MYO10: variants seen among roughly 807,000 people sequenced by gnomAD.
MYO10 encodes unconventional myosin-X.
MYO10 carries 133 observed loss-of-function variants against 257.3 expected under a neutral mutation model. That is an observed-to-expected ratio of 0.52 (90% CI 0.45 to 0.60). The LOEUF (loss-of-function observed/expected upper bound fraction) is 0.60, where lower values mean the gene tolerates loss of function less well. Ranked by LOEUF, MYO10 falls within the 20% of genes least tolerant of loss-of-function variation. The pLI, the probability that MYO10 is intolerant of heterozygous loss-of-function variation, is 0.00. For synonymous variants in MYO10, 1,104 were observed against 1,028.6 expected, an observed-to-expected ratio of 1.07 and a Z score of -1.40; for missense variants, 2,399 against 2,635.7, an observed-to-expected ratio of 0.91 and a Z score of 1.97.
intron 1 of MYO10, among the ~76,000 whole-genome samples, chr5:16,888,834 C>T (rs951240153): frequency 1.3e-5 from 2 of 150,162 alleles, no homozygotes; most frequent in Non-Finnish European, 2.9e-5. Context: ...AATGCCCTTC[C>T]TATCTGTTCT....
chr5:16,872,043 T>C (rs253312), intron 2 of MYO10, among the ~76,000 whole-genome samples: 8,653 of 152,156 alleles, frequency 0.057, 695 homozygotes, highest in African/African-American at 0.18. Flanking sequence ...TAAATACTGT[T>C]GAAAATGATC....
At chr5:16,753,855 T>C (rs923539065) in intron 19 of MYO10, among the ~76,000 whole-genome samples, 1 of 152,172 alleles carries the variant, frequency 6.6e-6, no homozygotes, top group Non-Finnish European at 1.5e-5. Flanking sequence ...GTTGGCATTA[T>C]AAAAGATAAG....
intron 14 of MYO10, among the ~76,000 whole-genome samples, chr5:16,762,941 G>A (rs1740761339): frequency 2.0e-5 from 3 of 150,398 alleles, no homozygotes; most frequent in African/African-American, 7.4e-5. Context: ...TCCAGCCTGG[G>A]CGACAGAGTG....
chr5:16,920,780 G>C (rs34738746), intron 1 of MYO10, among the ~76,000 whole-genome samples: 7,989 of 152,292 alleles, frequency 0.052, 215 homozygotes, highest in Non-Finnish European at 0.063. Context: ...GGGCCTCTCT[G>C]TACTATTTGG....
intron 19 of MYO10, among the ~76,000 whole-genome samples, chr5:16,712,156 G>T (rs542866626): frequency 9.9e-5 from 15 of 152,030 alleles, no homozygotes; most frequent in African/African-American, 3.6e-4. Context: ...CACGCTAGCC[G>T]GTTTGGAAGA....
chr5:16,807,896 G>A (rs926114062), intron 3 of MYO10, among the ~76,000 whole-genome samples: 1 of 151,888 alleles, frequency 6.6e-6, no homozygotes, highest in Non-Finnish European at 1.5e-5. Flanking sequence ...ATTGTTCATC[G>A]TTTGCCTGTG....
intron 19 of MYO10, among the ~76,000 whole-genome samples, chr5:16,729,243 T>C (rs1291606819): frequency 6.6e-6 from 1 of 152,214 alleles, no homozygotes; most frequent in Admixed American, 6.5e-5. Flanking sequence ...TCTCTTCCTA[T>C]AGTTTAACAT....
intron 2 of MYO10, among the ~76,000 whole-genome samples, chr5:16,841,867 C>T (rs1743491733): frequency 6.6e-6 from 1 of 152,088 alleles, no homozygotes. Flanking sequence ...GGCTCGAGGG[C>T]TTGGAGTTTT....
intron 2 of MYO10, among the ~76,000 whole-genome samples, chr5:16,826,503 G>C (rs1294074673): frequency 6.6e-6 from 1 of 152,194 alleles, no homozygotes; most frequent in East Asian, 1.9e-4. Flanking sequence ...GAAAAAGCAA[G>C]AGTCTCAGGG....
At chr5:16,763,047 T>C (rs1311100905) in intron 14 of MYO10, among the ~76,000 whole-genome samples, 1 of 150,130 alleles carries the variant, frequency 6.7e-6, no homozygotes, top group Non-Finnish European at 1.5e-5. Context: ...AACAAATGAG[T>C]GGTTAAAAGA....
At chr5:16,758,366 A>C in intron 17 of MYO10, 140 bp from the exon 18 acceptor site, 1 of 635,802 alleles carries the variant, frequency 1.6e-6, no homozygotes, top group Middle Eastern at 2.8e-4. Context: ...GACAGCTTCC[A>C]AAGATTTCAA....
chr5:16,774,453 A>T (rs2126662467), intron 9 of MYO10, among the ~76,000 whole-genome samples: 1 of 152,064 alleles, frequency 6.6e-6, no homozygotes, highest in East Asian at 1.9e-4. Flanking sequence ...ACGGAGTCTC[A>T]CTCTGTTGCC....
chr5:16,849,463 A>G (rs1341801213), intron 2 of MYO10, among the ~76,000 whole-genome samples: 1 of 152,212 alleles, frequency 6.6e-6, no homozygotes, highest in African/African-American at 2.4e-5. Flanking sequence ...ATAGAAGGGA[A>G]TTAAGTGGAT....
chr5:16,820,517 C>A (rs1297539648), intron 2 of MYO10, among the ~76,000 whole-genome samples: 1 of 152,140 alleles, frequency 6.6e-6, no homozygotes, highest in African/African-American at 2.4e-5. Flanking sequence ...AAGGCTCCTG[C>A]CAGCGCAACT....
At chr5:16,817,330 G>A (rs1022235663) in intron 3 of MYO10, among the ~76,000 whole-genome samples, 1 of 152,132 alleles carries the variant, frequency 6.6e-6, no homozygotes, top group Non-Finnish European at 1.5e-5. Context: ...GATGGAAAAG[G>A]GGAGAAAATC....
chr5:16,896,323 C>T (rs1231211517), intron 1 of MYO10, among the ~76,000 whole-genome samples: 1 of 151,856 alleles, frequency 6.6e-6, no homozygotes, highest in Non-Finnish European at 1.5e-5. Flanking sequence ...TGGCCAGGCA[C>T]GGTGGCTCAT....
chr5:16,704,530 AC>A, intron 22 of MYO10, 48 bp downstream of exon 22: 2 of 1,488,280 alleles, frequency 1.3e-6, no homozygotes, highest in Non-Finnish European at 9.3e-7. Context: ...GGAAGGAAGG[AC>A]CCCCTCATGG....
rs1314159394 is a variant in MYO10, at chr5:16,909,039, C to T, written c.21+26749G>A. Among the ~76,000 whole-genome samples, 3 of 152,120 alleles carry T rather than the reference C, an allele frequency of 2.0e-5. No individual in the cohort carries two copies. In the East Asian group the frequency reaches 5.8e-4, roughly 29 times the overall value. On this transcript the variant is annotated intron_variant, in intron 1 of 40. Transcript: ENST00000513610. ...ATTGTATTAGTCCATTTTCATACTG[C>T]TATGAAGAAATACCTGAGACTGGGT...
chr5:16,889,022 A>T (rs771178477), intron 1 of MYO10, among the ~76,000 whole-genome samples: 4 of 151,718 alleles, frequency 2.6e-5, no homozygotes, highest in Non-Finnish European at 4.4e-5. Context: ...AAAACATAAA[A>T]ATTAGCTGGG....
Sources: allele counts gnomAD v4.1 joint callset (sites outside exome capture counted in the v4.1 genomes callset), GRCh38; gene constraint gnomAD v4.1.1; transcripts MANE v1.5; gene names NCBI Gene and HGNC (gene_info 2026-07-23, HGNC 2026-07-21).